Variants in VCL observed in about 807,000 individuals in gnomAD.
VCL encodes vinculin, also known as epididymis luminal protein 114.
In VCL, 47 loss-of-function variants were observed where a neutral mutation model predicts 125.7. That is an observed-to-expected ratio of 0.37 (90% CI 0.30 to 0.48). The LOEUF (loss-of-function observed/expected upper bound fraction) is 0.48. Among genes scored for constraint, VCL ranks in the 20% least tolerant of loss-of-function variants. The pLI, the probability that VCL is intolerant of heterozygous loss-of-function variation, is 0.99. For missense variants in VCL, 1,069 were observed against 1,455.5 expected (o/e 0.73, Z 4.32); for synonymous variants, 458 against 514.6 (o/e 0.89, Z 1.49).
chr10:74,013,605 G>C (rs1345892391), intron 1 of VCL, among the ~76,000 whole-genome samples: 2 of 151,610 alleles, frequency 1.3e-5, no homozygotes, highest in African/African-American at 4.8e-5. Flanking sequence ...TAGTATAATC[G>C]TTAAGCATTA....
At chr10:74,025,521 G>A (rs1840754590) in intron 1 of VCL, among the ~76,000 whole-genome samples, 1 of 151,848 alleles carries the variant, frequency 6.6e-6, no homozygotes, top group Non-Finnish European at 1.5e-5. Flanking sequence ...GGCTGAAGTG[G>A]GAGGATTGAT....
chr10:74,048,328 C>A (rs1046871525), intron 2 of VCL, among the ~76,000 whole-genome samples: 1 of 151,892 alleles, frequency 6.6e-6, no homozygotes, highest in Non-Finnish European at 1.5e-5. Flanking sequence ...ACTAGCCGGG[C>A]GTGGTGGCAC....
chr10:74,031,347 A>C (rs1353993710), intron 1 of VCL, among the ~76,000 whole-genome samples: 1 of 152,072 alleles, frequency 6.6e-6, no homozygotes, highest in African/African-American at 2.4e-5. Context: ...ATCTGACTTC[A>C]GAAGAAATCT....
At chr10:74,052,373 AG>A (rs1328985617) in intron 2 of VCL, among the ~76,000 whole-genome samples, 5 of 130,046 alleles carry the variant, frequency 3.8e-5, no homozygotes, top group Admixed American at 3.2e-4. Context: ...TTCTTCAGTT[AG>A]TTTTTTTTTT....
At chr10:74,115,453 A>T (rs1458881873) in intron 21 of VCL, among the ~76,000 whole-genome samples, 1 of 152,224 alleles carries the variant, frequency 6.6e-6, no homozygotes, top group African/African-American at 2.4e-5. Context: ...GCTCTTGGGC[A>T]ACTTTTGTCA....
At chr10:74,117,891 G>A in intron 21 of VCL, 132 bp from the exon 22 acceptor site, 1 of 1,311,850 alleles carries the variant, frequency 7.6e-7, no homozygotes, top group Non-Finnish European at 1.1e-6. Context: ...AAAACCCCTA[G>A]TGATGCAAGC....
rs1470538710 is a variant in VCL, at chr10:74,095,754, G to C, written c.1642G>C (p.Val548Leu). The change falls in exon 12 of 22, where the codon GTG becomes CTG. Residue 548 changes from valine to leucine, a missense_variant. By Grantham distance (32) the Val-to-Leu change is conservative. Transcript: ENST00000211998. The stretch of plus-strand genomic sequence containing the variant: ...AGATCTTCTCGCCAAGTGTGACCGA[G>C]TGGACCAGCTGACAGCCCAGCTGGC... ...RQDLLAKCDR[V>L]DQLTAQLADL... The C allele has an allele frequency of 1.4e-5, 22 of 1,614,258 alleles. No individual in the cohort carries two copies. Among genetic ancestry groups the C allele is most frequent in the Non-Finnish European group, 1.6e-5 (19 of 1,180,052 alleles).
chr10:74,041,214 G>A (rs1031411045), intron 1 of VCL, among the ~76,000 whole-genome samples: 27 of 151,824 alleles, frequency 1.8e-4, no homozygotes, highest in African/African-American at 4.4e-4. Flanking sequence ...TTAAATAGTA[G>A]GACTGACATA....
Position 74,105,083 on chromosome 10 carries a change from CTG to C in VCL, c.2166_2167del (p.Leu723GlyfsTer8). On this transcript the variant is annotated frameshift_variant, in exon 16 of 22. Transcript: ENST00000211998. LOFTEE classifies it high-confidence loss of function. The stretch of plus-strand genomic sequence containing the variant: ...GGACGAAGCCATTGATACCAAATCT[CTG>C]TTGGATGCTTCAGAAGAAGCAATTA... ...LVDEAIDTKS[L>X]LDASEEAIKK... 6.2e-7 allele frequency: 1 copy of C among 1,614,172 alleles called. No individual in the cohort carries two copies. Among genetic ancestry groups the C allele is most frequent in the East Asian group, 2.2e-5 (1 of 44,886 alleles).
At position 73,998,142 on chromosome 10, in the gene VCL, C is replaced by G. The variant is rs533231503; in HGVS notation, c.-66C>G. The G allele has an allele frequency of 4.1e-5, 64 of 1,578,606 alleles. 2 individuals are homozygous for G. The South Asian group carries it at 5.1e-4, about 13-fold the overall frequency. On this transcript the variant is annotated 5_prime_UTR_variant, in exon 1 of 22. Transcript: ENST00000211998. ...GTCGCTGCACAGTCTGTCTCTTCGC[C>G]GGTTCCCGGCCCCGTGGATCCTACT...
At chr10:74,058,342 T>G (rs1346249856) in intron 2 of VCL, among the ~76,000 whole-genome samples, 1 of 152,182 alleles carries the variant, frequency 6.6e-6, no homozygotes, top group East Asian at 1.9e-4. Flanking sequence ...CAACAAGCTC[T>G]CTCTCTCTAA....
intron 7 of VCL, among the ~76,000 whole-genome samples, 167 bp downstream of exon 7, chr10:74,082,711 C>G (rs1839697413): frequency 6.6e-6 from 1 of 152,176 alleles, no homozygotes; most frequent in South Asian, 2.1e-4. Context: ...AAGTAGTAGG[C>G]CTTACAAGGA....
At chr10:74,061,061 A>C (rs866679013) in intron 2 of VCL, among the ~76,000 whole-genome samples, 1 of 152,318 alleles carries the variant, frequency 6.6e-6, no homozygotes, top group Middle Eastern at 3.4e-3. Flanking sequence ...TATTATTAGT[A>C]TATAGTTAAG....
At chr10:74,020,860 A>AAAAAAAG (rs1840649669) in intron 1 of VCL, among the ~76,000 whole-genome samples, 2 of 150,978 alleles carry the variant, frequency 1.3e-5, no homozygotes, top group African/African-American at 4.9e-5. Context: ...AAAAAAAAAA[A>AAAAAAAG]AGAGAGCGAG....
intron 2 of VCL, among the ~76,000 whole-genome samples, chr10:74,058,890 G>GGTGT (rs148608729): frequency 5.8e-4 from 88 of 150,938 alleles, no homozygotes; most frequent in Middle Eastern, 3.4e-3. Context: ...TCACAGAAAG[G>GGTGT]GTGTGTGTGT....
intron 1 of VCL, among the ~76,000 whole-genome samples, chr10:74,038,006 T>TTC (rs1236771188): frequency 2.0e-3 from 301 of 150,164 alleles, no homozygotes; most frequent in Middle Eastern, 3.4e-3. Context: ...TTTCTTTTTT[T>TTC]TTTTTTTTTG....
chr10:74,032,301 C>G (rs543625690), intron 1 of VCL, among the ~76,000 whole-genome samples: 1 of 150,632 alleles, frequency 6.6e-6, no homozygotes, highest in African/African-American at 2.4e-5. Context: ...CTTAAATTGG[C>G]CTTTATCAAA....
Position 74,119,340 on chromosome 10 carries a change from AAGG to A in VCL, c.*1172_*1174del, listed in dbSNP as rs1277375583. 1 of 152,274 alleles carries A rather than the reference AAGG, an allele frequency of 6.6e-6. No individual in the cohort carries two copies. The allele number at this position is 152,274 out of a possible 1,614,324, so 9.4% of individuals were successfully genotyped here. A position where few individuals can be genotyped will look rare whatever the true frequency, so the allele number is the denominator to read the frequency against. On this transcript the variant is annotated 3_prime_UTR_variant, in exon 22 of 22. Transcript: ENST00000211998. ...CCTGTCTGAAGGACACTTCCTGCCTAAGGGAGAGTGGTATTTGCAGACTAGAAT... is the reference window on the plus strand; with the variant it reads ...CCTGTCTGAAGGACACTTCCTGCCTAGAGAGTGGTATTTGCAGACTAGAAT...
intron 1 of VCL, among the ~76,000 whole-genome samples, chr10:74,038,344 G>A (rs1390484615): frequency 2.0e-5 from 3 of 152,120 alleles, no homozygotes; most frequent in African/African-American, 7.2e-5. Context: ...TGGCTAATGG[G>A]TACTGTATTG....
Sources: gnomAD v4.1 joint callset for allele counts (sites outside exome capture counted in the v4.1 genomes callset) on GRCh38, gnomAD v4.1.1 for gene constraint, MANE v1.5 for transcripts, NCBI Gene and HGNC (gene_info 2026-07-23, HGNC 2026-07-21) for gene names.